The following NRXN3 variants were observed in gnomAD, a reference collection of about 807,000 sequenced individuals.
NRXN3 encodes the protein neurexin III.
A neutral mutation model predicts 137.6 loss-of-function variants in NRXN3; 32 were observed. The observed-to-expected ratio is 0.23, with a 90% CI of 0.18 to 0.31. The LOEUF (loss-of-function observed/expected upper bound fraction) is 0.31, where lower values mean the gene tolerates loss of function less well. NRXN3 is among the 10% of genes least tolerant of loss of function. The pLI, the probability that NRXN3 is intolerant of heterozygous loss-of-function variation, is 1.00. For synonymous variants in NRXN3, 798 were observed against 784.5 expected (o/e 1.02, Z -0.29); for missense variants, 1,574 against 2,062.5 (o/e 0.76, Z 4.59).
intron 15 of NRXN3, among the ~76,000 whole-genome samples, chr14:79,182,210 C>A (rs1458622379): frequency 2.0e-5 from 3 of 151,902 alleles, no homozygotes; most frequent in Non-Finnish European, 4.4e-5. Context: ...CACCAGGGAC[C>A]AGTTTCACCG....
chr14:78,400,504 G>A (rs921961045), intron 4 of NRXN3, among the ~76,000 whole-genome samples: 5 of 152,136 alleles, frequency 3.3e-5, no homozygotes, highest in African/African-American at 7.2e-5. Context: ...ATCGGATTGC[G>A]GATATTTCTA....
At chr14:78,969,485 G>T (rs532921525) in intron 14 of NRXN3, among the ~76,000 whole-genome samples, 1 of 152,054 alleles carries the variant, frequency 6.6e-6, no homozygotes, top group Admixed American at 6.6e-5. Context: ...CTGTGTTTGC[G>T]CAATATATTG....
At chr14:78,232,216 A>C (rs1567029971) in intron 1 of NRXN3, among the ~76,000 whole-genome samples, 2 of 152,232 alleles carry the variant, frequency 1.3e-5, no homozygotes, top group Non-Finnish European at 2.9e-5. Flanking sequence ...ACACAGTTCA[A>C]ATCTGTCCAG....
At chr14:79,779,735 C>A (rs2099108092) in intron 19 of NRXN3, among the ~76,000 whole-genome samples, 1 of 152,218 alleles carries the variant, frequency 6.6e-6, no homozygotes, top group Non-Finnish European at 1.5e-5. Context: ...ATCTATCATT[C>A]TTGCAGTTTT....
At chr14:78,884,344 C>T (rs372174591) in intron 10 of NRXN3, among the ~76,000 whole-genome samples, 6 of 152,080 alleles carry the variant, frequency 3.9e-5, no homozygotes, top group Admixed American at 2.0e-4. Flanking sequence ...ACAGCAGTGT[C>T]GGTGGATAGC....
At chr14:79,052,844 A>ACT (rs1229785754) in intron 15 of NRXN3, among the ~76,000 whole-genome samples, 5 of 152,138 alleles carry the variant, frequency 3.3e-5, no homozygotes, top group African/African-American at 1.2e-4. Context: ...CCTTTTTTGC[A>ACT]ATGGCTCTCA....
At chr14:79,256,187 T>G (rs982697293) in intron 15 of NRXN3, among the ~76,000 whole-genome samples, 1 of 151,692 alleles carries the variant, frequency 6.6e-6, no homozygotes, top group Non-Finnish European at 1.5e-5. Context: ...TCTCTCTCTC[T>G]CTCTCACACA....
chr14:79,803,847 G>C (rs2099191404), intron 19 of NRXN3, among the ~76,000 whole-genome samples: 1 of 150,956 alleles, frequency 6.6e-6, no homozygotes, highest in Non-Finnish European at 1.5e-5. Flanking sequence ...TGTCCCAAAA[G>C]ACGGTTGTGA....
chr14:79,378,315 C>T (rs1345346579), intron 15 of NRXN3, among the ~76,000 whole-genome samples: 1 of 152,266 alleles, frequency 6.6e-6, no homozygotes, highest in East Asian at 1.9e-4. Flanking sequence ...CTGAAGTTGG[C>T]TAAGGTGCCC....
intron 19 of NRXN3, among the ~76,000 whole-genome samples, chr14:79,709,203 T>C (rs2098793524): frequency 6.6e-6 from 1 of 151,906 alleles, no homozygotes; most frequent in Admixed American, 6.6e-5. Context: ...CACTATAGAG[T>C]ATAGAGCAAG....
intron 4 of NRXN3, among the ~76,000 whole-genome samples, chr14:78,405,980 T>C (rs2092459335): frequency 6.6e-6 from 1 of 152,142 alleles, no homozygotes; most frequent in Non-Finnish European, 1.5e-5. Flanking sequence ...GACTCACATA[T>C]TATGCACCAT....
intron 19 of NRXN3, among the ~76,000 whole-genome samples, chr14:79,758,204 C>T (rs1291496039): frequency 2.6e-5 from 4 of 152,198 alleles, no homozygotes; most frequent in Admixed American, 1.3e-4. Context: ...TTTTTGGCTT[C>T]CTGTCTTTGT....
At chr14:79,347,167 T>C (rs1483125213) in intron 15 of NRXN3, among the ~76,000 whole-genome samples, 1 of 152,166 alleles carries the variant, frequency 6.6e-6, no homozygotes, top group Non-Finnish European at 1.5e-5. Context: ...AATAAATTTC[T>C]TTGAAATTAA....
chr14:79,834,118 C>A, intron 20 of NRXN3, among the ~76,000 whole-genome samples: 1 of 152,124 alleles, frequency 6.6e-6, no homozygotes, highest in East Asian at 1.9e-4. Context: ...GACAGACTGG[C>A]AATCCAGAGA....
intron 10 of NRXN3, among the ~76,000 whole-genome samples, chr14:78,855,641 C>T (rs1042750302): frequency 1.3e-5 from 2 of 152,062 alleles, no homozygotes; most frequent in Non-Finnish European, 2.9e-5. Context: ...TTCTAAGAAC[C>T]CAGAGGCAAT....
At chr14:79,446,359 A>G (rs2096063706) in intron 15 of NRXN3, among the ~76,000 whole-genome samples, 1 of 152,036 alleles carries the variant, frequency 6.6e-6, no homozygotes, top group Non-Finnish European at 1.5e-5. Context: ...CCTTTTTCTG[A>G]AAGTCTTATC....
At chr14:78,555,533 A>G (rs1280397174) in intron 4 of NRXN3, among the ~76,000 whole-genome samples, 1 of 152,228 alleles carries the variant, frequency 6.6e-6, no homozygotes, top group Non-Finnish European at 1.5e-5. Context: ...AATGCCACAA[A>G]ACTGCATACA....
At chr14:78,835,643 A>G (rs1439459017) in intron 10 of NRXN3, among the ~76,000 whole-genome samples, 2 of 152,108 alleles carry the variant, frequency 1.3e-5, no homozygotes, top group African/African-American at 4.8e-5. Flanking sequence ...TTTATTATAT[A>G]CATAGGCTTT....
chr14:78,225,465 A>C (rs1486168859), intron 1 of NRXN3, among the ~76,000 whole-genome samples: 2 of 149,802 alleles, frequency 1.3e-5, no homozygotes, highest in African/African-American at 4.9e-5. Context: ...TTTTCTTGTA[A>C]ATTTGTTTGA....
Sources: allele counts gnomAD v4.1 joint callset (sites outside exome capture counted in the v4.1 genomes callset), GRCh38; gene constraint gnomAD v4.1.1; transcripts MANE v1.5; gene names NCBI Gene and HGNC (gene_info 2026-07-23, HGNC 2026-07-21).